The following COL8A1 variants were observed in gnomAD, a reference collection of about 807,000 sequenced individuals.
COL8A1 encodes collagen type VIII alpha 1 chain, also known as collagen alpha-1(VIII) chain.
A neutral mutation model predicts 42.7 loss-of-function variants in COL8A1; 21 were observed. The observed-to-expected ratio is 0.49, with a 90% CI of 0.35 to 0.71. The LOEUF is 0.71. Among genes scored for constraint, COL8A1 ranks in the 30% least tolerant of loss-of-function variants. COL8A1 has a pLI of 0.01. For synonymous variants in COL8A1, 367 were observed against 369.1 expected, an observed-to-expected ratio of 0.99 and a Z score of 0.06; for missense variants, 788 against 962.4, an observed-to-expected ratio of 0.82 and a Z score of 2.40.
chr3:99,758,662 G>A (rs1411200919), intron 2 of COL8A1, among the ~76,000 whole-genome samples: 2 of 152,094 alleles, frequency 1.3e-5, no homozygotes, highest in Non-Finnish European at 2.9e-5. Context: ...TTCTAATCAC[G>A]TTCCATGTAG....
rs1324976019 is a variant in COL8A1, at chr3:99,796,033, G to A, written c.2132G>A (p.Gly711Glu). 1.2e-6 allele frequency: 2 copies of A among 1,613,476 alleles called. No individual in the cohort carries two copies. Among genetic ancestry groups the A allele is most frequent in the Non-Finnish European group, 1.7e-6 (2 of 1,179,664 alleles). ...AGTGCAGTGCTGCTGCTCAGGCCCGGAGACCGGGTGTTCCTCCAGATGCCC... is the reference window on the plus strand; with the variant it reads ...AGTGCAGTGCTGCTGCTCAGGCCCGAAGACCGGGTGTTCCTCCAGATGCCC... ...SGSAVLLLRP[G>E]DRVFLQMPSE... Residue 711 changes from glycine to glutamate, a missense_variant, in exon 4 of 4, where the codon GGA (glycine) becomes GAA (glutamate). Around this residue, in one of 4 missense-constraint regions of COL8A1, gnomAD observed 212 missense variants for 210.9 expected, o/e 1.00. Coordinates refer to ENST00000652472, the MANE Select transcript of COL8A1 (RefSeq NM_020351.4).
chr3:99,657,154 A>G (rs1230942423), intron 1 of COL8A1, among the ~76,000 whole-genome samples: 4 of 152,226 alleles, frequency 2.6e-5, no homozygotes, highest in Admixed American at 1.3e-4. Flanking sequence ...TATGCTTCAG[A>G]AAGCCAAAGA....
intron 2 of COL8A1, among the ~76,000 whole-genome samples, chr3:99,772,301 G>A (rs186825730): frequency 1.9e-4 from 29 of 152,286 alleles, no homozygotes; most frequent in Admixed American, 1.4e-3. Context: ...AGTTTTCAGC[G>A]GTTGGGGAGG....
At chr3:99,669,001 A>G (rs1418168290) in intron 1 of COL8A1, among the ~76,000 whole-genome samples, 1 of 151,664 alleles carries the variant, frequency 6.6e-6, no homozygotes. Context: ...CCTCTGCTTC[A>G]GGGTCCCTCA....
intron 1 of COL8A1, among the ~76,000 whole-genome samples, chr3:99,687,579 G>A (rs1029147542): frequency 6.6e-6 from 1 of 152,204 alleles, no homozygotes; most frequent in African/African-American, 2.4e-5. Flanking sequence ...ATATACACTA[G>A]GTGCTGGCAG....
chr3:99,723,061 G>A (rs1261473079), intron 1 of COL8A1, among the ~76,000 whole-genome samples: 1 of 151,478 alleles, frequency 6.6e-6, no homozygotes. Context: ...CTGAAATGAA[G>A]TCATATACAT....
chr3:99,725,932 T>G (rs915341675), intron 1 of COL8A1, among the ~76,000 whole-genome samples: 2 of 152,172 alleles, frequency 1.3e-5, no homozygotes, highest in Admixed American at 1.3e-4. Context: ...ATATACCCAG[T>G]AATGGGATGG....
At position 99,797,427 on chromosome 3, in the gene COL8A1, A is replaced by G. The variant is rs1048030444; in HGVS notation, c.*1291A>G. The G allele has an allele frequency of 2.0e-5, 3 of 152,078 alleles. No individual in the cohort carries two copies. The highest frequency in any genetic ancestry group is 4.4e-5 in the Non-Finnish European group (3 of 68,042). 9.4% of individuals were successfully genotyped at this position (152,078 alleles called of 1,614,324 possible). A position where few individuals can be genotyped will look rare whatever the true frequency, so the allele number is the denominator to read the frequency against. On this transcript the variant is annotated 3_prime_UTR_variant, in exon 4 of 4. Transcript: ENST00000652472. The stretch of plus-strand genomic sequence containing the variant: ...ACTGGGACTACTGTCTTGCGCCACC[A>G]TGCCTGGCTAATTTTTGTATATTTA...
At chr3:99,715,388 G>A (rs1230622787) in intron 1 of COL8A1, among the ~76,000 whole-genome samples, 2 of 152,154 alleles carry the variant, frequency 1.3e-5, no homozygotes, top group South Asian at 2.1e-4. Context: ...CTTACAGACC[G>A]TTCAGATGTG....
chr3:99,710,023 AT>A, intron 1 of COL8A1, among the ~76,000 whole-genome samples: 1 of 152,156 alleles, frequency 6.6e-6, no homozygotes. Flanking sequence ...GCCAGTATAA[AT>A]TTTTTAAACC....
chr3:99,665,318 G>A (rs1474131277), intron 1 of COL8A1, among the ~76,000 whole-genome samples: 1 of 152,248 alleles, frequency 6.6e-6, no homozygotes, highest in Non-Finnish European at 1.5e-5. Context: ...CTTCTCTACA[G>A]GCAGATGGTT....
intron 2 of COL8A1, among the ~76,000 whole-genome samples, chr3:99,785,980 T>C (rs1055791822): frequency 3.3e-5 from 5 of 151,976 alleles, no homozygotes; most frequent in Non-Finnish European, 7.4e-5. Context: ...ATATCGTAAA[T>C]AAAGAATTCA....
At chr3:99,641,094 T>C (rs1029564888) in intron 1 of COL8A1, among the ~76,000 whole-genome samples, 5 of 152,136 alleles carry the variant, frequency 3.3e-5, no homozygotes, top group East Asian at 3.9e-4. Flanking sequence ...ATCCTTTTCA[T>C]GATCAGAAAA....
intron 1 of COL8A1, among the ~76,000 whole-genome samples, chr3:99,666,768 C>T (rs187121291): frequency 1.1e-4 from 16 of 152,274 alleles, no homozygotes; most frequent in Admixed American, 9.2e-4. Flanking sequence ...CAAAGAAATG[C>T]TATAGGAACT....
intron 2 of COL8A1, among the ~76,000 whole-genome samples, chr3:99,772,577 G>T (rs920061225): frequency 2.0e-5 from 3 of 152,134 alleles, no homozygotes; most frequent in Non-Finnish European, 4.4e-5. Flanking sequence ...TGGGAACTTT[G>T]TACTCTCCCA....
chr3:99,751,779 A>G (rs1941154803), intron 2 of COL8A1, among the ~76,000 whole-genome samples: 1 of 152,232 alleles, frequency 6.6e-6, no homozygotes, highest in South Asian at 2.1e-4. Flanking sequence ...ATGAACACTT[A>G]TAAAGTTAAA....
At chr3:99,792,321 T>C (rs1942016618) in intron 3 of COL8A1, among the ~76,000 whole-genome samples, 1 of 152,214 alleles carries the variant, frequency 6.6e-6, no homozygotes, top group Non-Finnish European at 1.5e-5. Context: ...TCTCTGTTTG[T>C]ATTTTATTCT....
intron 1 of COL8A1, among the ~76,000 whole-genome samples, chr3:99,735,945 G>A (rs1418125377): frequency 3.3e-5 from 5 of 152,000 alleles, no homozygotes; most frequent in Non-Finnish European, 5.9e-5. Flanking sequence ...GCATAGAGGT[G>A]TTTGTAGTAT....
intron 1 of COL8A1, among the ~76,000 whole-genome samples, chr3:99,730,785 T>G (rs987357124): frequency 6.6e-6 from 1 of 152,164 alleles, no homozygotes; most frequent in African/African-American, 2.4e-5. Flanking sequence ...ACAAAAGAGC[T>G]CTCAGCGAAC....
Sources: gnomAD v4.1 joint callset for allele counts (sites outside exome capture counted in the v4.1 genomes callset) on GRCh38, gnomAD v4.1.1 for gene constraint, gnomAD v4.1.1 regional missense constraint, MANE v1.5 for transcripts, NCBI Gene and HGNC (gene_info 2026-07-23, HGNC 2026-07-21) for gene names.